The following ADGRF5 variants were observed in gnomAD, a reference collection of about 807,000 sequenced individuals.
ADGRF5 encodes the protein G-protein coupled receptor 116.
ADGRF5 carries 75 observed loss-of-function variants against 132.3 expected under a neutral mutation model. The ratio of observed to expected loss-of-function variants is 0.57; its 90% CI spans 0.47 to 0.69. The LOEUF (loss-of-function observed/expected upper bound fraction) is 0.69. ADGRF5 is among the 30% of genes least tolerant of loss of function. The probability of loss-of-function intolerance (pLI) is 0.00; values close to 1 mark genes in which losing one functional copy is unlikely to be tolerated. For synonymous variants in ADGRF5, 629 were observed against 597.6 expected, an observed-to-expected ratio of 1.05 and a Z score of -0.77; for missense variants, 1,516 against 1,630.6, an observed-to-expected ratio of 0.93 and a Z score of 1.21.
At chr6:46,865,276 G>C in intron 13 of ADGRF5, 79 bp from the exon 14 acceptor site, 1 of 966,886 alleles carries the variant, frequency 1.0e-6, no homozygotes, top group Admixed American at 2.2e-5. Flanking sequence ...AACCTAATAT[G>C]AATAAACCTG....
Position 46,870,488 on chromosome 6 carries a change from A to G in ADGRF5, c.1411+1355T>C, listed in dbSNP as rs147235116. ...AAATCTTATTCTTAATCATAATCCA[A>G]TGACATCAGGGCTTTTTACAGTTAC... On this transcript the variant is annotated intron_variant, in intron 11 of 20. Transcript: ENST00000283296. Among the ~76,000 whole-genome samples the G allele has an allele frequency of 3.3e-3, 506 of 152,196 alleles. 3 individuals are homozygous for G. Among genetic ancestry groups the G allele is most frequent in the African/African-American group, 0.011 (475 of 41,516 alleles).
chr6:46,941,387 CAAAGAAAAGAAAAGAAAAGA>C (rs766352637), intron 1 of ADGRF5, among the ~76,000 whole-genome samples: 1,999 of 83,124 alleles, frequency 0.024, 53 homozygotes, highest in Non-Finnish European at 0.028. Flanking sequence ...AAGAAAGAAA[CAAAGAAAAGAAAAGAAAAGA>C]AAAGAAAAGA....
intron 1 of ADGRF5, among the ~76,000 whole-genome samples, chr6:46,951,733 T>C (rs1778507333): frequency 6.6e-6 from 1 of 152,218 alleles, no homozygotes; most frequent in African/African-American, 2.4e-5. Flanking sequence ...TCATCTAACC[T>C]GCTTCAAAGC....
At chr6:46,876,384 T>C (rs984718089) in intron 10 of ADGRF5, among the ~76,000 whole-genome samples, 1 of 152,216 alleles carries the variant, frequency 6.6e-6, no homozygotes, top group Admixed American at 6.5e-5. Flanking sequence ...CCACAGGAAT[T>C]GTGCAAGGCC....
At chr6:46,885,360 T>A (rs1166004146) in intron 4 of ADGRF5, among the ~76,000 whole-genome samples, 2 of 152,200 alleles carry the variant, frequency 1.3e-5, no homozygotes, top group Non-Finnish European at 2.9e-5. Context: ...TAAGCTGCTC[T>A]AAGATTTCTG....
intron 11 of ADGRF5, among the ~76,000 whole-genome samples, chr6:46,870,060 A>G (rs1034969339): frequency 1.3e-5 from 2 of 152,082 alleles, no homozygotes; most frequent in Non-Finnish European, 2.9e-5. Context: ...ATTTCAAAAC[A>G]CCATTCACTT....
intron 10 of ADGRF5, among the ~76,000 whole-genome samples, chr6:46,877,301 C>T (rs1254344904): frequency 0.012 from 1,176 of 94,928 alleles, 34 homozygotes; most frequent in Non-Finnish European, 0.016. Context: ...CTCTCTCTCT[C>T]TCTCTTTCCT....
chr6:46,897,888 A>G (rs1774349370), intron 3 of ADGRF5, among the ~76,000 whole-genome samples: 1 of 152,158 alleles, frequency 6.6e-6, no homozygotes, highest in South Asian at 2.1e-4. Context: ...GGGGCCTAGT[A>G]CCTAGGTTTT....
chr6:46,854,118 A>T, intron 20 of ADGRF5, 47 bp from the exon 21 acceptor site: 1 of 1,387,506 alleles, frequency 7.2e-7, no homozygotes. Flanking sequence ...GCCATCATGA[A>T]CTCTGGGGTG....
At chr6:46,913,811 C>T (rs781097570) in intron 1 of ADGRF5, among the ~76,000 whole-genome samples, 1 of 152,162 alleles carries the variant, frequency 6.6e-6, no homozygotes, top group African/African-American at 2.4e-5. Flanking sequence ...TGATGTTATA[C>T]GCATAGCTTT....
chr6:46,944,130 T>A (rs777469323), intron 1 of ADGRF5, among the ~76,000 whole-genome samples: 1 of 152,212 alleles, frequency 6.6e-6, no homozygotes, highest in South Asian at 2.1e-4. Flanking sequence ...ACTGGTTTCA[T>A]GGAAGACAAG....
intron 1 of ADGRF5, among the ~76,000 whole-genome samples, chr6:46,953,608 C>A (rs1778579339): frequency 9.9e-6 from 1 of 101,002 alleles, no homozygotes. Flanking sequence ...CAGAGTGAGA[C>A]ACAGTCTCAG....
At chr6:46,882,217 T>G (rs1772555268) in intron 6 of ADGRF5, 110 bp from the exon 7 acceptor site, 1 of 791,372 alleles carries the variant, frequency 1.3e-6, no homozygotes, top group African/African-American at 1.7e-5. Context: ...TAGGTAAAAT[T>G]ATCTTCTGTC....
At chr6:46,950,062 G>T (rs1021140819) in intron 1 of ADGRF5, among the ~76,000 whole-genome samples, 2 of 152,114 alleles carry the variant, frequency 1.3e-5, no homozygotes. Flanking sequence ...TTGGATCACC[G>T]CACTGACATC....
intron 2 of ADGRF5, among the ~76,000 whole-genome samples, chr6:46,904,314 T>C (rs914105744): frequency 2.0e-5 from 3 of 152,206 alleles, no homozygotes; most frequent in African/African-American, 7.2e-5. Context: ...CGTGGATGGA[T>C]GAGTGGACAA....
chr6:46,927,683 A>G (rs1171346984), intron 1 of ADGRF5, among the ~76,000 whole-genome samples: 1 of 152,202 alleles, frequency 6.6e-6, no homozygotes, highest in East Asian at 1.9e-4. Flanking sequence ...TTCCTTGTTA[A>G]CATCATTATC....
chr6:46,947,834 G>A (rs768893776), intron 1 of ADGRF5, among the ~76,000 whole-genome samples: 1 of 152,160 alleles, frequency 6.6e-6, no homozygotes, highest in Non-Finnish European at 1.5e-5. Flanking sequence ...TTGGAGGGGG[G>A]ACCTGGACAT....
chr6:46,947,481 C>T (rs577531989), intron 1 of ADGRF5, among the ~76,000 whole-genome samples: 10 of 152,344 alleles, frequency 6.6e-5, no homozygotes, highest in African/African-American at 1.4e-4. Flanking sequence ...TCTGCGGGTG[C>T]ACACCACTAC....
At chr6:46,859,613 T>C (rs1313657893) in intron 16 of ADGRF5, 90 bp from the exon 17 acceptor site, 1 of 793,070 alleles carries the variant, frequency 1.3e-6, no homozygotes. Context: ...ACTGATTGCA[T>C]AAAGGTAAGA....
Sources: gnomAD v4.1 joint callset for allele counts (sites outside exome capture counted in the v4.1 genomes callset) on GRCh38, gnomAD v4.1.1 for gene constraint, MANE v1.5 for transcripts, NCBI Gene and HGNC (gene_info 2026-07-23, HGNC 2026-07-21) for gene names.